The following USP54 variants were observed in gnomAD, a reference collection of about 807,000 sequenced individuals.
USP54 encodes ubiquitin carboxyl-terminal hydrolase 54.
Under a neutral mutation model 170.5 loss-of-function variants are expected in USP54, and 87 were observed. The ratio of observed to expected loss-of-function variants is 0.51; its 90% CI spans 0.43 to 0.61. The LOEUF is 0.61. USP54 is among the 20% of genes least tolerant of loss of function. The pLI is 0.00. For synonymous variants in USP54, 655 were observed against 742.8 expected (o/e 0.88, Z 1.92); for missense variants, 1,786 against 2,047.8 (o/e 0.87, Z 2.47).
Position 73,571,461 on chromosome 10 carries a change from T to C in USP54, c.200A>G (p.His67Arg), listed in dbSNP as rs199656784. Residue 67 changes from histidine (H) to arginine (R), a missense_variant, in exon 4 of 24, where the codon CAC becomes CGC. By Grantham distance (29) the His-to-Arg change is conservative. Transcript: ENST00000687698. ...GATGCAGGAATCTCCCATGCACTTGTGAGTTGTAAGCTGCCTAAAGCTACG... is the reference window on the plus strand; with the variant it reads ...GATGCAGGAATCTCCCATGCACTTGCGAGTTGTAAGCTGCCTAAAGCTACG... The part of the protein sequence containing the change: ...FRRSFRQLTT[H>R]KCMGDSCIFC... The C allele has an allele frequency of 1.8e-5, 29 of 1,613,912 alleles. No homozygotes were observed. Among genetic ancestry groups the C allele is most frequent in the Non-Finnish European group, 3.4e-6 (4 of 1,179,964 alleles).
chr10:73,516,340 T>C, intron 20 of USP54, 35 bp downstream of exon 20: 1 of 1,567,610 alleles, frequency 6.4e-7, no homozygotes, highest in Non-Finnish European at 8.6e-7. Flanking sequence ...TATATGATCC[T>C]CCCCCCTCCC....
At chr10:73,567,747 G>A (rs930783562) in intron 4 of USP54, among the ~76,000 whole-genome samples, 2 of 152,098 alleles carry the variant, frequency 1.3e-5, no homozygotes, top group African/African-American at 4.8e-5. Flanking sequence ...TGCTGCTTCT[G>A]ACTTATCAGT....
At chr10:73,594,077 C>G (rs1564942355), upstream of USP54, among the ~76,000 whole-genome samples, 1 of 146,324 alleles carries the variant, frequency 6.8e-6, no homozygotes, top group African/African-American at 2.5e-5. Context: ...ATAAAAGACT[C>G]TTTTTTTTTT....
At chr10:73,519,397 T>A in intron 19 of USP54, 1 of 238,256 alleles carries the variant, frequency 4.2e-6, no homozygotes, top group Non-Finnish European at 8.4e-6. Flanking sequence ...GAAAGACTGC[T>A]TTCTCTGCTT....
chr10:73,501,454 C>A (rs2058088771), intron 22 of USP54, among the ~76,000 whole-genome samples: 1 of 152,098 alleles, frequency 6.6e-6, no homozygotes, highest in Admixed American at 6.6e-5. Context: ...CAAAATTGAA[C>A]CAAAATCCTT....
chr10:73,536,833 T>C (rs2065303942), intron 10 of USP54, among the ~76,000 whole-genome samples: 1 of 152,202 alleles, frequency 6.6e-6, no homozygotes, highest in Admixed American at 6.5e-5. Context: ...ATTTCCTTAG[T>C]TTTCTCCCAA....
chr10:73,529,737 T>G lies in USP54; in HGVS notation c.2003A>C (p.Asn668Thr). 6.2e-7 allele frequency: 1 copy of G among 1,613,978 alleles called. No individual in the cohort carries two copies. Among genetic ancestry groups the G allele is most frequent in the Non-Finnish European group, 8.5e-7 (1 of 1,179,844 alleles). ...ATCCAGGCTGACAGGGCTGCTGCTG[T>G]TCCTCTCACTGCTTTCATAGCCAGA... ...MESGYESSER[N>T]SSSPVSLDAA... Residue 668 changes from asparagine (N) to threonine (T), a missense_variant, in exon 15 of 24, where the codon AAC (asparagine) becomes ACC (threonine). Asn to Thr is a moderately conservative substitution (Grantham distance 65). Around this residue, in one of 3 missense-constraint regions of USP54, gnomAD observed 1,418 missense variants for 1,569.0 expected, o/e 0.90. Coordinates refer to ENST00000687698, the MANE Select transcript of USP54 (RefSeq NM_001391956.1).
intron 1 of USP54, among the ~76,000 whole-genome samples, chr10:73,609,680 C>G (rs1165498617): frequency 6.6e-6 from 1 of 152,028 alleles, no homozygotes; most frequent in Non-Finnish European, 1.5e-5. Context: ...CCCATCTCTA[C>G]TAAAAATACA....
At chr10:73,597,056 C>T (rs1229181302) in intron 1 of USP54, among the ~76,000 whole-genome samples, 1 of 152,148 alleles carries the variant, frequency 6.6e-6, no homozygotes, top group Non-Finnish European at 1.5e-5. Flanking sequence ...AGTGAAACCA[C>T]CTTTGCAAAA....
intron 10 of USP54, chr10:73,538,535 C>G (rs2065804411): frequency 6.6e-6 from 1 of 152,010 alleles, no homozygotes. Flanking sequence ...ACACTTTGGG[C>G]CAGGCACTGT....
In USP54 at chr10:73,519,953, G is replaced by A. The variant is rs374304896; in HGVS notation, c.2522C>T (p.Thr841Met). Residue 841 changes from threonine to methionine, a missense_variant, in exon 19 of 24, where the codon ACG becomes ATG. Physicochemically the swap from Thr to Met is moderately conservative, Grantham distance 81 (BLOSUM62 -1). Around this residue, in one of 3 missense-constraint regions of USP54, gnomAD observed 1,418 missense variants for 1,569.0 expected, o/e 0.90. Coordinates refer to ENST00000687698, the MANE Select transcript of USP54 (RefSeq NM_001391956.1). Reference sequence around the variant, plus strand: ...CTTATCGACTAGGGCTCTGCTGTGCGTGCTACAGCTGGCACCATGCAGGGC... The same window carrying A: ...CTTATCGACTAGGGCTCTGCTGTGCATGCTACAGCTGGCACCATGCAGGGC... ...RLALHGASCS[T>M]HSRALVDKKL... The A allele has an allele frequency of 1.7e-5, 27 of 1,612,882 alleles. No homozygotes were observed. The East Asian group carries it at 3.8e-4, about 23-fold the overall frequency.
At chr10:73,514,654 T>C (rs1046236351) in intron 20 of USP54, among the ~76,000 whole-genome samples, 10 of 152,328 alleles carry the variant, frequency 6.6e-5, no homozygotes, top group African/African-American at 2.4e-4. Flanking sequence ...CTTTAGATTC[T>C]TCCCATATCA....
At chr10:73,594,486 C>A (rs2078560601), upstream of USP54, among the ~76,000 whole-genome samples, 1 of 152,010 alleles carries the variant, frequency 6.6e-6, no homozygotes, top group Non-Finnish European at 1.5e-5. Context: ...CTCACTGAAC[C>A]CTCAAATTCC....
At chr10:73,625,484 G>A (rs561301988) in intron 1 of USP54, 1 of 152,030 alleles carries the variant, frequency 6.6e-6, no homozygotes, top group African/African-American at 2.4e-5. Context: ...GATCTGTAAA[G>A]GTCTGATCCC....
chr10:73,542,949 T>C, intron 6 of USP54, 64 bp from the exon 7 acceptor site: 3 of 1,610,248 alleles, frequency 1.9e-6, no homozygotes, highest in Non-Finnish European at 2.5e-6. Context: ...GGCACCCATT[T>C]AACACCCCAC....
chr10:73,550,825 G>C (rs115025307), intron 4 of USP54, among the ~76,000 whole-genome samples: 2 of 152,020 alleles, frequency 1.3e-5, no homozygotes, highest in African/African-American at 4.8e-5. Context: ...TTGTTTTTCC[G>C]GCCAGGCGTG....
Position 73,550,881 on chromosome 10 carries a change from C to T in USP54, c.241-5209G>A, listed in dbSNP as rs956697550. 4.6e-5 allele frequency among the ~76,000 whole-genome samples: 7 copies of T among 152,124 alleles called. No homozygotes were observed. The South Asian group carries it at 8.3e-4, about 18-fold the overall frequency. ...CAGCACTTTGGGAGGCCGAGGTGGGCGGATCACGAGGTCAGGAGATCGAGA... is the reference window on the plus strand; with the variant it reads ...CAGCACTTTGGGAGGCCGAGGTGGGTGGATCACGAGGTCAGGAGATCGAGA... On this transcript the variant is annotated intron_variant, in intron 4 of 23. Coordinates refer to ENST00000687698, the MANE Select transcript of USP54 (RefSeq NM_001391956.1).
At chr10:73,529,015 C>T (rs762468595) in intron 15 of USP54, 1 of 152,290 alleles carries the variant, frequency 6.6e-6, no homozygotes, top group East Asian at 1.9e-4. Flanking sequence ...TCATGTTTTA[C>T]ATTAGATCCC....
chr10:73,585,173 C>T (rs186959494), intron 1 of USP54, among the ~76,000 whole-genome samples: 319 of 152,230 alleles, frequency 2.1e-3, no homozygotes, highest in African/African-American at 7.2e-3. Flanking sequence ...TAGTCTACTG[C>T]TAGCACTACA....
Sources: allele counts gnomAD v4.1 joint callset (sites outside exome capture counted in the v4.1 genomes callset), GRCh38; gene constraint gnomAD v4.1.1; regional missense constraint gnomAD v4.1.1; transcripts MANE v1.5; gene names NCBI Gene and HGNC (gene_info 2026-07-23, HGNC 2026-07-21).